PPA2: variants seen among roughly 807,000 people sequenced by gnomAD.
PPA2 encodes inorganic pyrophosphatase 2, also known as inorganic pyrophosphatase 2, mitochondrial.
A neutral mutation model predicts 49.5 loss-of-function variants in PPA2; 48 were observed. The observed-to-expected ratio is 0.97, with a 90% CI of 0.77 to 1.23. PPA2 has a LOEUF of 1.23. Among genes scored for constraint, PPA2 ranks in the 50% most tolerant of loss-of-function variants. The pLI, the probability that PPA2 is intolerant of heterozygous loss-of-function variation, is 0.00. For synonymous variants in PPA2, 131 were observed against 139.9 expected, an observed-to-expected ratio of 0.94 and a Z score of 0.45; for missense variants, 429 against 410.1, an observed-to-expected ratio of 1.05 and a Z score of -0.40.
chr4:105,405,497 A>G (rs1722423376), intron 7 of PPA2: 1 of 914,858 alleles, frequency 1.1e-6, no homozygotes, highest in South Asian at 5.0e-5. Flanking sequence ...AACATTTGGA[A>G]TGGAGAGGGA....
chr4:105,412,257 G>T (rs1722796520), intron 7 of PPA2, among the ~76,000 whole-genome samples: 1 of 152,062 alleles, frequency 6.6e-6, no homozygotes, highest in East Asian at 1.9e-4. Context: ...ATAGACCAAT[G>T]GAACAGAACA....
At chr4:105,409,302 G>A (rs531318696) in intron 7 of PPA2, among the ~76,000 whole-genome samples, 2 of 152,232 alleles carry the variant, frequency 1.3e-5, no homozygotes, top group Non-Finnish European at 2.9e-5. Context: ...CACTGCTAGC[G>A]CAGCAGTCTA....
chr4:105,413,929 T>C (rs943512604), intron 7 of PPA2, among the ~76,000 whole-genome samples: 1 of 152,200 alleles, frequency 6.6e-6, no homozygotes, highest in African/African-American at 2.4e-5. Context: ...AAAGTCAATA[T>C]AGCATCTCTG....
At chr4:105,456,266 A>G in intron 2 of PPA2, 1 of 469,104 alleles carries the variant, frequency 2.1e-6, no homozygotes, top group African/African-American at 2.0e-5. Context: ...AGACAAGTCT[A>G]TAAAAATGCC....
chr4:105,401,212 CAAGT>C (rs909800125), intron 7 of PPA2, among the ~76,000 whole-genome samples: 2 of 151,964 alleles, frequency 1.3e-5, no homozygotes, highest in Non-Finnish European at 2.9e-5. Flanking sequence ...GAGTTAAAAA[CAAGT>C]ATGTTTATAT....
intron 7 of PPA2, among the ~76,000 whole-genome samples, chr4:105,402,332 T>C (rs374632402): frequency 6.6e-6 from 1 of 152,168 alleles, no homozygotes; most frequent in Non-Finnish European, 1.5e-5. Flanking sequence ...TCTACAGTTA[T>C]GCATATAGGC....
Position 105,391,590 on chromosome 4 carries a change from C to T in PPA2, c.869+4659G>A, listed in dbSNP as rs1406736199. Among the ~76,000 whole-genome samples the T allele has an allele frequency of 2.0e-5, 3 of 151,862 alleles. 1 individual carries two copies. The highest frequency in any genetic ancestry group is 7.2e-5 in the African/African-American group (3 of 41,426). On this transcript the variant is annotated intron_variant, in intron 9 of 11. Coordinates refer to ENST00000341695, the MANE Select transcript of PPA2 (RefSeq NM_176869.3). ...CATAGAGGTATGTACAGCAGTGATA[C>T]AACAGCCCAACAGAAATGAAACTGT...
At chr4:105,391,879 A>G (rs1260618051) in intron 9 of PPA2, among the ~76,000 whole-genome samples, 1 of 152,044 alleles carries the variant, frequency 6.6e-6, no homozygotes, top group African/African-American at 2.4e-5. Flanking sequence ...TTGTTAATAA[A>G]AAAAGAGTAT....
intron 9 of PPA2, among the ~76,000 whole-genome samples, chr4:105,394,349 G>C (rs1734044884): frequency 8.0e-6 from 1 of 124,776 alleles, no homozygotes; most frequent in Non-Finnish European, 1.7e-5. Context: ...ACTCCAACTT[G>C]GGCAATAGAG....
intron 6 of PPA2, among the ~76,000 whole-genome samples, chr4:105,426,376 G>C (rs973089169): frequency 3.3e-5 from 5 of 152,202 alleles, no homozygotes; most frequent in African/African-American, 1.2e-4. Context: ...AAGAAGGGCA[G>C]GATGTTGCCT....
At chr4:105,473,838 T>C in intron 1 of PPA2, 56 bp downstream of exon 1, 4 of 1,554,298 alleles carry the variant, frequency 2.6e-6, no homozygotes, top group Non-Finnish European at 3.5e-6. Flanking sequence ...CCCCATTCCA[T>C]CCCCCACCCA....
intron 10 of PPA2, among the ~76,000 whole-genome samples, chr4:105,371,673 T>C (rs988800393): frequency 1.3e-5 from 2 of 152,234 alleles, no homozygotes; most frequent in African/African-American, 2.4e-5. Flanking sequence ...TACCTGCCTC[T>C]AGCATTTAAG....
chr4:105,378,030 T>G (rs1009987124), intron 10 of PPA2, among the ~76,000 whole-genome samples: 4 of 152,148 alleles, frequency 2.6e-5, no homozygotes, highest in African/African-American at 9.6e-5. Flanking sequence ...GACATACACT[T>G]CCTTTTGTCT....
intron 6 of PPA2, among the ~76,000 whole-genome samples, chr4:105,437,090 C>T (rs1724094844): frequency 6.6e-6 from 1 of 151,944 alleles, no homozygotes; most frequent in South Asian, 2.1e-4. Flanking sequence ...TAAGACAACT[C>T]AAACAACTCA....
At chr4:105,414,199 C>T (rs144664394) in intron 7 of PPA2, among the ~76,000 whole-genome samples, 155 of 152,318 alleles carry the variant, frequency 1.0e-3, no homozygotes, top group Non-Finnish European at 1.8e-3. Context: ...ATTTAGGAAG[C>T]ATTTACTCTC....
rs771248395 is a variant in PPA2, at chr4:105,473,545, G to T, written c.157+349C>A. The stretch of plus-strand genomic sequence containing the variant: ...CTGAGTTGTGTGAACCGGGAACGGC[G>T]GCCGGGCCGGCTAATGGCTGCAGGC... On this transcript the variant is annotated intron_variant, in intron 1 of 11. Transcript: ENST00000341695. 4.4e-4 allele frequency: 227 copies of T among 515,898 alleles called. 3 individuals are homozygous for T. The highest frequency in any genetic ancestry group is 2.3e-3 in the South Asian group (147 of 63,668). 32.0% of individuals were successfully genotyped at this position (515,898 alleles called of 1,614,324 possible).
intron 5 of PPA2, 48 bp downstream of exon 5, chr4:105,446,335 A>AT (rs1722383910): frequency 6.6e-7 from 1 of 1,522,306 alleles, no homozygotes. Flanking sequence ...TTATAAGGCA[A>AT]TTTTTTCAGA....
At chr4:105,436,282 C>T (rs1164781868) in intron 6 of PPA2, among the ~76,000 whole-genome samples, 1 of 151,968 alleles carries the variant, frequency 6.6e-6, no homozygotes, top group African/African-American at 2.4e-5. Context: ...TAAAACATCT[C>T]TGCAAGAACT....
chr4:105,433,810 A>G (rs1723925642), intron 6 of PPA2, among the ~76,000 whole-genome samples: 1 of 152,202 alleles, frequency 6.6e-6, no homozygotes, highest in South Asian at 2.1e-4. Context: ...TAGATTCTCA[A>G]GCCCAAAAGG....
Sources: gnomAD v4.1 joint callset for allele counts (sites outside exome capture counted in the v4.1 genomes callset) on GRCh38, gnomAD v4.1.1 for gene constraint, MANE v1.5 for transcripts, NCBI Gene and HGNC (gene_info 2026-07-23, HGNC 2026-07-21) for gene names.